Variants in FAM167A observed in about 807,000 individuals in gnomAD.
FAM167A encodes the protein family with sequence similarity 167 member A.
A neutral mutation model predicts 14.9 loss-of-function variants in FAM167A; 23 were observed. The observed-to-expected ratio is 1.55, with a 90% CI of 1.11 to 2.19. The LOEUF is 2.19. FAM167A is among the 30% of genes most tolerant of loss of function. The pLI, the probability that FAM167A is intolerant of heterozygous loss-of-function variation, is 0.00. For missense variants in FAM167A, 401 were observed against 281.5 expected (o/e 1.42, Z -3.04); for synonymous variants, 174 against 117.7 (o/e 1.48, Z -3.10).
At chr8:11,448,750 G>A (rs974960788) in intron 1 of FAM167A, among the ~76,000 whole-genome samples, 4 of 152,196 alleles carry the variant, frequency 2.6e-5, no homozygotes, top group African/African-American at 7.2e-5. Context: ...CCCCGCCCAC[G>A]GCTCGGGGTG....
At chr8:11,454,575 C>G (rs181021359) in intron 1 of FAM167A, among the ~76,000 whole-genome samples, 17 of 152,306 alleles carry the variant, frequency 1.1e-4, no homozygotes, top group South Asian at 1.0e-3. Context: ...TGCAGAGGCT[C>G]TAAGGGGTTT....
chr8:11,454,006 C>T (rs1807131851), intron 1 of FAM167A, among the ~76,000 whole-genome samples: 1 of 152,212 alleles, frequency 6.6e-6, no homozygotes. Flanking sequence ...GACTAGCTAT[C>T]ACGCGTGTGG....
chr8:11,457,062 G>C (rs1807354547), intron 1 of FAM167A, among the ~76,000 whole-genome samples: 1 of 120,550 alleles, frequency 8.3e-6, no homozygotes, highest in Non-Finnish European at 1.7e-5. Context: ...AGTGGGTGGG[G>C]CTGGGTTGGG....
upstream of FAM167A, among the ~76,000 whole-genome samples, chr8:11,468,598 GACCAC>G (rs1807859267): frequency 1.8e-5 from 2 of 111,168 alleles, no homozygotes; most frequent in South Asian, 5.8e-4. Context: ...GGCTGTTTCT[GACCAC>G]AGCCCCGGTG....
intron 2 of FAM167A, among the ~76,000 whole-genome samples, chr8:11,432,884 TA>T (rs1459707513): frequency 1.3e-5 from 2 of 152,026 alleles, no homozygotes; most frequent in Admixed American, 1.3e-4. Flanking sequence ...TATGCAGCCA[TA>T]AAAAAGGATG....
chr8:11,424,802 G>T (rs913743855), intron 2 of FAM167A, among the ~76,000 whole-genome samples, 166 bp from the exon 3 acceptor site: 4 of 152,328 alleles, frequency 2.6e-5, no homozygotes, highest in African/African-American at 9.6e-5. Context: ...CAGAAAGCAA[G>T]GTGACAAATG....
intron 1 of FAM167A, 185 bp from the exon 2 acceptor site, chr8:11,444,993 G>C (rs1418160730): frequency 1.6e-6 from 1 of 612,790 alleles, no homozygotes; most frequent in Non-Finnish European, 2.0e-6. Flanking sequence ...AAGTTAATGA[G>C]CAATTGAAAA....
intron 1 of FAM167A, among the ~76,000 whole-genome samples, chr8:11,462,190 A>T (rs1807567615): frequency 6.6e-6 from 1 of 152,248 alleles, no homozygotes; most frequent in Admixed American, 6.5e-5. Context: ...CACACCTCGC[A>T]GAGGAAAGGA....
At position 11,423,019 on chromosome 8, in the gene FAM167A, G is replaced by A. The variant is rs749705685; in HGVS notation, c.*1354C>T. 1.3e-5 allele frequency: 2 copies of A among 152,596 alleles called. No individual in the cohort carries two copies. The highest frequency in any genetic ancestry group is 4.8e-5 in the African/African-American group (2 of 41,448). The allele number at this position is 152,596 out of a possible 1,614,324, so 9.5% of individuals were successfully genotyped here. A position where few individuals can be genotyped will look rare whatever the true frequency, so the allele number is the denominator to read the frequency against. On this transcript the variant is annotated 3_prime_UTR_variant, in exon 3 of 3. Transcript: ENST00000284486. Reference sequence around the variant, plus strand: ...AAGTTCATTGACATGTGATCTACTAGGCATTATCAATAATGGTTTCACACA... The same window carrying A: ...AAGTTCATTGACATGTGATCTACTAAGCATTATCAATAATGGTTTCACACA...
chr8:11,432,852 G>A (rs1042323938), intron 2 of FAM167A, among the ~76,000 whole-genome samples: 2 of 152,116 alleles, frequency 1.3e-5, no homozygotes, highest in African/African-American at 2.4e-5. Context: ...AGAAAATGTG[G>A]CACAGATACA....
chr8:11,440,178 C>T (rs1806344256), intron 2 of FAM167A, among the ~76,000 whole-genome samples: 1 of 152,192 alleles, frequency 6.6e-6, no homozygotes, highest in African/African-American at 2.4e-5. Context: ...CGAGACTGGG[C>T]CTCGCCTGGA....
intron 1 of FAM167A, among the ~76,000 whole-genome samples, chr8:11,446,935 A>T (rs551646022): frequency 1.1e-4 from 16 of 152,162 alleles, no homozygotes; most frequent in Non-Finnish European, 2.4e-4. Flanking sequence ...GATCCATCAA[A>T]GCTTCCTGGA....
chr8:11,440,482 A>C (rs4240675), intron 2 of FAM167A, among the ~76,000 whole-genome samples: 1 of 152,272 alleles, frequency 6.6e-6, no homozygotes, highest in Non-Finnish European at 1.5e-5. Context: ...CAGTCAGGCA[A>C]TCATTCTGCC....
chr8:11,435,311 C>T (rs1805931919), intron 2 of FAM167A, among the ~76,000 whole-genome samples: 1 of 152,212 alleles, frequency 6.6e-6, no homozygotes. Context: ...ACTGCCCCTC[C>T]ATGCGGCCTC....
chr8:11,467,160 C>A (rs1025383320), upstream of FAM167A, among the ~76,000 whole-genome samples: 1 of 152,272 alleles, frequency 6.6e-6, no homozygotes, highest in Non-Finnish European at 1.5e-5. Flanking sequence ...GCGGCCACGA[C>A]TGCCCGCGAG....
chr8:11,445,646 C>T (rs1806742759), intron 1 of FAM167A: 1 of 979,886 alleles, frequency 1.0e-6, no homozygotes, highest in Non-Finnish European at 1.2e-6. Flanking sequence ...AGCCCCAGCT[C>T]CTACCCCATA....
Position 11,429,360 on chromosome 8 carries a change from C to T in FAM167A, c.382-4724G>A, listed in dbSNP as rs961040046. Among the ~76,000 whole-genome samples the T allele has an allele frequency of 5.3e-5, 8 of 152,182 alleles. No individual in the cohort carries two copies. The East Asian group carries it at 7.7e-4, about 15-fold the overall frequency. On this transcript the variant is annotated intron_variant, in intron 2 of 2. Transcript: ENST00000284486. ...TGTGTGGAGTTAGTCGGGAGGACGG[C>T]GGTTGCCCGGGAAGGCACAGAGGGC...
intron 1 of FAM167A, among the ~76,000 whole-genome samples, chr8:11,463,274 G>A (rs1442208987): frequency 6.6e-6 from 1 of 152,236 alleles, no homozygotes; most frequent in African/African-American, 2.4e-5. Context: ...GAGGGACTTA[G>A]GTCAGTTCAC....
At chr8:11,470,293 AG>A (rs1243836642), upstream of FAM167A, among the ~76,000 whole-genome samples, 7 of 151,606 alleles carry the variant, frequency 4.6e-5, no homozygotes, top group South Asian at 4.2e-4. Context: ...GAGACGATGG[AG>A]GGGGTCTTGT....
Sources: allele counts gnomAD v4.1 joint callset (sites outside exome capture counted in the v4.1 genomes callset), GRCh38; gene constraint gnomAD v4.1.1; transcripts MANE v1.5; gene names NCBI Gene and HGNC (gene_info 2026-07-23, HGNC 2026-07-21).